Variants in FGF12 observed in about 807,000 individuals in gnomAD.
FGF12 encodes the protein fibroblast growth factor 12B.
A neutral mutation model predicts 23.6 loss-of-function variants in FGF12; 14 were observed. That is an observed-to-expected ratio of 0.59 (90% CI 0.39 to 0.93). The LOEUF (loss-of-function observed/expected upper bound fraction) is 0.93. Ranked by LOEUF, FGF12 falls within the 40% of genes least tolerant of loss-of-function variation. FGF12 has a pLI of 0.00. For missense variants in FGF12, 175 were observed against 217.8 expected, an observed-to-expected ratio of 0.80 and a Z score of 1.24; for synonymous variants, 62 against 77.3, an observed-to-expected ratio of 0.80 and a Z score of 1.04.
intron 2 of FGF12, among the ~76,000 whole-genome samples, chr3:192,617,003 G>A (rs944549636): frequency 3.9e-5 from 6 of 151,930 alleles, no homozygotes; most frequent in African/African-American, 1.4e-4. Context: ...TGGAAGAGAG[G>A]TTAAAAGTAT....
At chr3:192,459,022 A>C (rs1416552967) in intron 2 of FGF12, among the ~76,000 whole-genome samples, 1 of 152,136 alleles carries the variant, frequency 6.6e-6, no homozygotes, top group East Asian at 1.9e-4. Flanking sequence ...TGCCACCACC[A>C]TGTAAGAAGT....
intron 5 of FGF12, among the ~76,000 whole-genome samples, chr3:192,164,060 T>G (rs1221367319): frequency 6.6e-6 from 1 of 151,952 alleles, no homozygotes; most frequent in Non-Finnish European, 1.5e-5. Context: ...AAGAACCAGA[T>G]CCTAAATACT....
rs188432958 is a variant in FGF12 at position 192,657,019 on chromosome 3, C to G, written c.13+70162G>C. Among the ~76,000 whole-genome samples the G allele has an allele frequency of 1.4e-3, 217 of 152,094 alleles. 2 individuals carry two copies. The highest frequency in any genetic ancestry group is 2.0e-3 in the Non-Finnish European group (137 of 67,986). The stretch of plus-strand genomic sequence containing the variant: ...ACAGCACTTATAAACAACAGAGGTC[C>G]CCAGTACATATCAACAATGGGAAGG... On this transcript the variant is annotated intron_variant, in intron 2 of 5. Coordinates refer to ENST00000445105, the MANE Select transcript of FGF12 (RefSeq NM_004113.6).
intron 5 of FGF12, among the ~76,000 whole-genome samples, chr3:192,165,983 C>T (rs75087062): frequency 0.042 from 6,341 of 152,180 alleles, 201 homozygotes; most frequent in South Asian, 0.071. Flanking sequence ...AGATAACATA[C>T]GCAACCTGGC....
At chr3:192,222,208 G>C (rs1056682224) in intron 4 of FGF12, among the ~76,000 whole-genome samples, 1 of 152,122 alleles carries the variant, frequency 6.6e-6, no homozygotes, top group Non-Finnish European at 1.5e-5. Flanking sequence ...GGTGAAAAGA[G>C]ATGGATGAAA....
rs1055258394 is a variant in FGF12 at position 192,245,425 on chromosome 3, TA to T, written c.229-74770del. On this transcript the variant is annotated intron_variant, in intron 4 of 5. Transcript: ENST00000445105. ...GAGCCCCCATGCCCGGCCAAGGACT[TA>T]CTGTTTACTCAGCAAACATTTATTG... 6.1e-4 allele frequency among the ~76,000 whole-genome samples: 93 copies of T among 152,140 alleles called. 1 individual carries two copies. The highest frequency in any genetic ancestry group is 2.2e-3 in the African/African-American group (91 of 41,436).
rs114422340 is a variant in FGF12, at chr3:192,197,585, C to T, written c.229-26929G>A. 8.7e-3 allele frequency among the ~76,000 whole-genome samples: 1,325 copies of T among 152,182 alleles called. 17 individuals carry two copies. Among genetic ancestry groups the T allele is most frequent in the African/African-American group, 0.03 (1,239 of 41,532 alleles). On this transcript the variant is annotated intron_variant, in intron 4 of 5. Transcript: ENST00000445105. ...TCACATTTCCATCCTATCCAAGGGG[C>T]CTCTACAGTGCCTGAACTCACCAAT... is the stretch of plus-strand genomic sequence containing the variant.
chr3:192,698,148 G>C (rs956870280), intron 2 of FGF12, among the ~76,000 whole-genome samples: 1 of 152,116 alleles, frequency 6.6e-6, no homozygotes, highest in Non-Finnish European at 1.5e-5. Flanking sequence ...CACACAATAA[G>C]TCTCAAGAAA....
chr3:192,464,499 GGTGTGTGT>G (rs34803297), intron 2 of FGF12, among the ~76,000 whole-genome samples: 4,011 of 132,628 alleles, frequency 0.03, 49 homozygotes, highest in African/African-American at 0.036. Context: ...AGTATTCCAT[GGTGTGTGT>G]GTGTGTGTGT....
chr3:192,599,412 A>G lies in FGF12; in HGVS notation c.13+127769T>C, dbSNP rs1577072659. 2.6e-5 allele frequency among the ~76,000 whole-genome samples: 4 copies of G among 152,072 alleles called. No individual in the cohort carries two copies. In the South Asian group the frequency reaches 8.3e-4, roughly 32 times the overall value. On this transcript the variant is annotated intron_variant, in intron 2 of 5. Coordinates refer to ENST00000445105, the MANE Select transcript of FGF12 (RefSeq NM_004113.6). ...TTTGTACCTAAAAAATATCTCGACTACTTATATACTACCTATATTACCTGT... is the reference window on the plus strand; with the variant it reads ...TTTGTACCTAAAAAATATCTCGACTGCTTATATACTACCTATATTACCTGT...
At chr3:192,167,772 A>ATATATATATT (rs1715302128) in intron 5 of FGF12, among the ~76,000 whole-genome samples, 6 of 15,398 alleles carry the variant, frequency 3.9e-4, no homozygotes, top group African/African-American at 9.0e-4. Context: ...TATATATAAA[A>ATATATATATT]TTTTTTTTTT....
chr3:192,482,815 A>G (rs1723516393), intron 2 of FGF12, among the ~76,000 whole-genome samples: 1 of 152,214 alleles, frequency 6.6e-6, no homozygotes, highest in Admixed American at 6.5e-5. Context: ...ATGATATTAG[A>G]TAATATAAAA....
At chr3:192,396,718 C>T (rs185814008) in intron 2 of FGF12, among the ~76,000 whole-genome samples, 11 of 152,274 alleles carry the variant, frequency 7.2e-5, no homozygotes, top group South Asian at 2.1e-4. Context: ...TGGCCTGGGA[C>T]GAAAGTCTTA....
chr3:192,359,314 TA>T (rs1288190354), intron 3 of FGF12, among the ~76,000 whole-genome samples: 3 of 152,232 alleles, frequency 2.0e-5, no homozygotes, highest in African/African-American at 7.2e-5. Flanking sequence ...TTAGGGATTT[TA>T]AATTTTTCCT....
At chr3:192,465,737 C>G (rs944053911) in intron 2 of FGF12, among the ~76,000 whole-genome samples, 5 of 152,182 alleles carry the variant, frequency 3.3e-5, no homozygotes, top group Admixed American at 3.3e-4. Context: ...AGGTAATTTC[C>G]TTGCATGCTC....
At chr3:192,568,132 C>T (rs188911688) in intron 2 of FGF12, among the ~76,000 whole-genome samples, 33 of 152,282 alleles carry the variant, frequency 2.2e-4, no homozygotes, top group Non-Finnish European at 4.4e-4. Context: ...ATGCCCCGCC[C>T]TTTGCATGTG....
chr3:192,172,779 T>A (rs1715638418), intron 4 of FGF12, among the ~76,000 whole-genome samples: 1 of 150,648 alleles, frequency 6.6e-6, no homozygotes, highest in Non-Finnish European at 1.5e-5. Context: ...ATCCAAAAAT[T>A]CCACTTTTAG....
intron 4 of FGF12, among the ~76,000 whole-genome samples, chr3:192,320,683 A>G (rs1179065678): frequency 2.6e-5 from 4 of 152,146 alleles, no homozygotes; most frequent in Non-Finnish European, 5.9e-5. Context: ...AAACATATGA[A>G]AACTAATTAA....
At chr3:192,556,268 T>C (rs1577052139) in intron 2 of FGF12, among the ~76,000 whole-genome samples, 1 of 152,154 alleles carries the variant, frequency 6.6e-6, no homozygotes, top group South Asian at 2.1e-4. Context: ...CTATAAGATA[T>C]AAACAAATCT....
Sources: allele counts gnomAD v4.1 joint callset (sites outside exome capture counted in the v4.1 genomes callset), GRCh38; gene constraint gnomAD v4.1.1; transcripts MANE v1.5; gene names NCBI Gene and HGNC (gene_info 2026-07-23, HGNC 2026-07-21).